B3GAT2: variants seen among roughly 807,000 people sequenced by gnomAD.
B3GAT2 encodes the protein galactosylgalactosylxylosylprotein 3-beta-glucuronosyltransferase 2.
A neutral mutation model predicts 27.8 loss-of-function variants in B3GAT2; 26 were observed. That is an observed-to-expected ratio of 0.93 (90% CI 0.68 to 1.30). The LOEUF (loss-of-function observed/expected upper bound fraction) is 1.30, where lower values mean the gene tolerates loss of function less well. B3GAT2 is among the 50% of genes most tolerant of loss of function. The pLI is 0.00. For synonymous variants in B3GAT2, 218 were observed against 195.1 expected, an observed-to-expected ratio of 1.12 and a Z score of -0.98; for missense variants, 458 against 459.0, an observed-to-expected ratio of 1.00 and a Z score of 0.02.
chr6:70,871,215 TTTTTTTG>T (rs1436426235), intron 2 of B3GAT2, among the ~76,000 whole-genome samples: 1,753 of 112,006 alleles, frequency 0.016, 27 homozygotes, highest in African/African-American at 0.052. Context: ...TCTGTTTTTT[TTTTTTTG>T]TTTTTTTTTT....
chr6:70,922,665 A>G (rs1020733651), intron 1 of B3GAT2, among the ~76,000 whole-genome samples: 2 of 152,130 alleles, frequency 1.3e-5, no homozygotes, highest in African/African-American at 4.8e-5. Flanking sequence ...GATGCAACAA[A>G]AACAATGCCT....
intron 1 of B3GAT2, among the ~76,000 whole-genome samples, chr6:70,954,104 A>G (rs1021421543): frequency 6.6e-6 from 1 of 152,220 alleles, no homozygotes; most frequent in Non-Finnish European, 1.5e-5. Context: ...CAACAAGACC[A>G]CATATTGTCA....
At chr6:70,903,730 A>G (rs927723704) in intron 1 of B3GAT2, among the ~76,000 whole-genome samples, 44 of 152,306 alleles carry the variant, frequency 2.9e-4, no homozygotes, top group African/African-American at 1.0e-3. Context: ...TAAAATGAAA[A>G]GATTGGCAAT....
At chr6:70,864,524 C>T (rs1420075219) in intron 2 of B3GAT2, among the ~76,000 whole-genome samples, 3 of 152,176 alleles carry the variant, frequency 2.0e-5, no homozygotes, top group Admixed American at 2.0e-4. Flanking sequence ...CCACAGTACC[C>T]AAGTGTTTTT....
In B3GAT2 at chr6:70,956,081, C is replaced by T; in HGVS notation, c.349G>A (p.Glu117Lys). 1 of 1,591,674 alleles carries T rather than the reference C, an allele frequency of 6.3e-7. No individual in the cohort carries two copies. Among genetic ancestry groups the T allele is most frequent in the South Asian group, 1.1e-5 (1 of 88,702 alleles). Residue 117 changes from glutamate to lysine, a missense_variant, in exon 1 of 4, where the codon GAG (glutamate) becomes AAG (lysine). Transcript: ENST00000230053. ...AGCTCGCTGCGCGCCGCCGCGTCCT[C>T]CACCAGGATCCAGTGCAGCTGCGCC... is the stretch of plus-strand genomic sequence containing the variant. ...QVAQLHWILV[E>K]DAAARSELVS...
intron 1 of B3GAT2, among the ~76,000 whole-genome samples, chr6:70,896,720 C>T (rs1772392920): frequency 6.6e-6 from 1 of 152,128 alleles, no homozygotes; most frequent in Non-Finnish European, 1.5e-5. Context: ...GATTCATCTA[C>T]TTGTAATGTA....
chr6:70,927,177 A>C (rs1021191016), intron 1 of B3GAT2, among the ~76,000 whole-genome samples: 6 of 152,270 alleles, frequency 3.9e-5, no homozygotes, highest in African/African-American at 1.2e-4. Flanking sequence ...CTGAAGGAAG[A>C]ACTAAACATG....
intron 2 of B3GAT2, among the ~76,000 whole-genome samples, chr6:70,888,350 T>C (rs780827534): frequency 4.6e-5 from 7 of 152,038 alleles, no homozygotes; most frequent in Non-Finnish European, 8.8e-5. Context: ...CAAAGGATAA[T>C]ACAAATTACA....
rs1184956832 is a variant in B3GAT2 at position 70,937,484 on chromosome 6, A to G, written c.591+18355T>C. 3.9e-5 allele frequency among the ~76,000 whole-genome samples: 6 copies of G among 152,210 alleles called. No homozygotes were observed. The East Asian group carries it at 1.2e-3, about 29-fold the overall frequency. On this transcript the variant is annotated intron_variant, in intron 1 of 3. Transcript: ENST00000230053. ...TTTTAGACCAATATCCTTGATGAAC[A>G]TGGATGCAAAAATCCTCAATAAAAT... is the stretch of plus-strand genomic sequence containing the variant.
chr6:70,886,968 G>C (rs1466212860), intron 2 of B3GAT2, among the ~76,000 whole-genome samples: 1 of 152,128 alleles, frequency 6.6e-6, no homozygotes, highest in East Asian at 1.9e-4. Flanking sequence ...CAAGGACAAA[G>C]TCCCAAGCTG....
intron 1 of B3GAT2, among the ~76,000 whole-genome samples, chr6:70,904,238 T>A (rs996926579): frequency 6.6e-6 from 1 of 152,200 alleles, no homozygotes; most frequent in African/African-American, 2.4e-5. Context: ...GAGGGCTGAC[T>A]GCAAAAGGTC....
intron 2 of B3GAT2, among the ~76,000 whole-genome samples, chr6:70,887,324 G>C (rs1772204289): frequency 6.6e-6 from 1 of 152,154 alleles, no homozygotes; most frequent in Non-Finnish European, 1.5e-5. Context: ...TGAGATGAAG[G>C]AGACCCAGAA....
intron 2 of B3GAT2, among the ~76,000 whole-genome samples, chr6:70,870,961 A>C (rs951207881): frequency 2.4e-4 from 37 of 152,216 alleles, no homozygotes; most frequent in African/African-American, 8.2e-4. Flanking sequence ...ATCATGAAAG[A>C]ATGCTGAATT....
intron 1 of B3GAT2, among the ~76,000 whole-genome samples, chr6:70,947,604 A>G (rs1458433686): frequency 6.6e-6 from 1 of 151,510 alleles, no homozygotes; most frequent in Non-Finnish European, 1.5e-5. Context: ...TTACCAACCA[A>G]AAAGAGTCCA....
Position 70,856,887 on chromosome 6 carries a change from C to A in B3GAT2, c.*4776G>T. ...ACACCCTCTGCACCAGCAGCTGCAA[C>A]CCTGTCTACAGTAACATCTGGGGAT... On this transcript the variant is annotated 3_prime_UTR_variant, in exon 4 of 4. Coordinates refer to ENST00000230053, the MANE Select transcript of B3GAT2 (RefSeq NM_080742.3). 1.9e-6 allele frequency: 3 copies of A among 1,613,370 alleles called. No individual in the cohort carries two copies. The highest frequency in any genetic ancestry group is 2.5e-6 in the Non-Finnish European group (3 of 1,179,584).
intron 1 of B3GAT2, among the ~76,000 whole-genome samples, chr6:70,896,873 C>T (rs964333171): frequency 7.9e-5 from 12 of 152,232 alleles, no homozygotes; most frequent in Non-Finnish European, 1.6e-4. Context: ...AAACTAAATA[C>T]GTGTTTACAA....
chr6:70,890,356 C>T lies in B3GAT2; in HGVS notation c.736+3772G>A, dbSNP rs897445235. ...GGGAGCACATCCATCCCCAGGGCTT[C>T]GACACACCCTGGTCCACAGGACTCC... On this transcript the variant is annotated intron_variant, in intron 2 of 3. Transcript: ENST00000230053. 1.2e-4 allele frequency among the ~76,000 whole-genome samples: 18 copies of T among 152,040 alleles called. 1 individual carries two copies. The highest frequency in any genetic ancestry group is 1.5e-4 in the African/African-American group (6 of 41,352).
At chr6:70,926,637 A>C (rs1470853112) in intron 1 of B3GAT2, among the ~76,000 whole-genome samples, 4 of 152,216 alleles carry the variant, frequency 2.6e-5, no homozygotes, top group African/African-American at 9.6e-5. Flanking sequence ...AAAAGAGTAA[A>C]AAGAAATGAA....
chr6:70,876,533 T>C (rs749852139), intron 2 of B3GAT2, among the ~76,000 whole-genome samples: 1 of 152,220 alleles, frequency 6.6e-6, no homozygotes, highest in Non-Finnish European at 1.5e-5. Flanking sequence ...AAAATGCAGA[T>C]AGCTATCATC....
Sources: gnomAD v4.1 joint callset for allele counts (sites outside exome capture counted in the v4.1 genomes callset) on GRCh38, gnomAD v4.1.1 for gene constraint, MANE v1.5 for transcripts, NCBI Gene and HGNC (gene_info 2026-07-23, HGNC 2026-07-21) for gene names.